Variants in IL1RAPL2 observed in about 807,000 individuals in gnomAD.
IL1RAPL2 encodes the protein X-linked interleukin-1 receptor accessory protein-like 2.
Under a neutral mutation model 44.1 loss-of-function variants are expected in IL1RAPL2, and 3 were observed. The observed-to-expected ratio is 0.07, with a 90% confidence interval of 0.03 to 0.18. The LOEUF (loss-of-function observed/expected upper bound fraction) is 0.18, where lower values mean the gene tolerates loss of function less well. Ranked by LOEUF, IL1RAPL2 falls within the 10% of genes least tolerant of loss-of-function variation. The pLI is 1.00. For synonymous variants in IL1RAPL2, 181 were observed against 178.8 expected (o/e 1.01, Z -0.10); for missense variants, 391 against 496.4 (o/e 0.79, Z 2.02).
intron 2 of IL1RAPL2, among the ~76,000 whole-genome samples, chrX:105,192,804 T>C (rs1211032711): frequency 1.8e-5 from 2 of 112,007 alleles, no homozygotes; most frequent in African/African-American, 6.5e-5. Flanking sequence ...GTTTAGAAAT[T>C]ATTTTCTCCA....
chrX:105,168,581 C>T (rs192843330), intron 2 of IL1RAPL2, among the ~76,000 whole-genome samples: 1 of 105,823 alleles, frequency 9.4e-6, no homozygotes. Flanking sequence ...TGCAGTCAGC[C>T]AGCTGGATAC....
At chrX:105,107,777 C>G (rs2032758147) in intron 2 of IL1RAPL2, among the ~76,000 whole-genome samples, 1 of 111,660 alleles carries the variant, frequency 9.0e-6, no homozygotes, top group African/African-American at 3.3e-5. Context: ...CATCCATTAT[C>G]ACGTCACTGA....
intron 6 of IL1RAPL2, among the ~76,000 whole-genome samples, chrX:105,659,124 C>T (rs985427785): frequency 9.1e-6 from 1 of 109,929 alleles, no homozygotes; most frequent in Non-Finnish European, 1.9e-5. Context: ...GAGACTCTGT[C>T]TCAAAAAACA....
chrX:104,760,562 C>A (rs1305473000), intron 2 of IL1RAPL2, among the ~76,000 whole-genome samples: 5 of 111,986 alleles, frequency 4.5e-5, no homozygotes, highest in African/African-American at 1.6e-4. Flanking sequence ...TATGTCCCTA[C>A]TTGCCATTTG....
At chrX:104,694,086 C>T (rs867765726) in intron 2 of IL1RAPL2, among the ~76,000 whole-genome samples, 2 of 111,864 alleles carry the variant, frequency 1.8e-5, no homozygotes, top group East Asian at 2.8e-4. Context: ...TGGCACTTCT[C>T]GCTGTGATTT....
chrX:105,406,049 T>C, intron 5 of IL1RAPL2: 2 of 1,203,363 alleles, frequency 1.7e-6, no homozygotes, highest in Non-Finnish European at 2.2e-6. Flanking sequence ...GGCGGTACTT[T>C]ACAACTACAC....
At chrX:105,378,547 T>A (rs1430649823) in intron 5 of IL1RAPL2, among the ~76,000 whole-genome samples, 1 of 111,623 alleles carries the variant, frequency 9.0e-6, no homozygotes, top group African/African-American at 3.3e-5. Context: ...GCATGCTGTG[T>A]TGGATATTCA....
chrX:105,312,719 GT>G (rs199536529), intron 5 of IL1RAPL2, among the ~76,000 whole-genome samples: 55 of 109,513 alleles, frequency 5.0e-4, no homozygotes, highest in East Asian at 1.4e-3. Context: ...ACCTTATATA[GT>G]TTTTTTTTGT....
rs773788867 is a variant in IL1RAPL2 at position 105,013,697 on chromosome X, A to T, written c.83-181778A>T. On this transcript the variant is annotated intron_variant, in intron 2 of 10. Transcript: ENST00000372582. ...AATTTTTAAATTTCCTTCCCTTGAAATACCTAATTTCTTGCCCTTCTGCCT... is the reference window on the plus strand; with the variant it reads ...AATTTTTAAATTTCCTTCCCTTGAATTACCTAATTTCTTGCCCTTCTGCCT... 1.1e-3 allele frequency among the ~76,000 whole-genome samples: 123 copies of T among 111,033 alleles called. 1 individual carries two copies. Among genetic ancestry groups the T allele is most frequent in the Non-Finnish European group, 2.0e-3 (106 of 52,798 alleles).
In IL1RAPL2 at chrX:104,816,044, A is replaced by G. The variant is rs1921126385; in HGVS notation, c.82+157049A>G. On this transcript the variant is annotated intron_variant, in intron 2 of 10. Coordinates refer to ENST00000372582, the MANE Select transcript of IL1RAPL2 (RefSeq NM_017416.2). ...AAGATAATATTTTTACAGTCCCTGT[A>G]GCCAATTCCCTAGAACCTCTTTAAT... is the stretch of plus-strand genomic sequence containing the variant. 9.0e-5 allele frequency among the ~76,000 whole-genome samples: 10 copies of G among 111,614 alleles called. No individual in the cohort carries two copies. The South Asian group carries it at 3.7e-3, about 42-fold the overall frequency.
At chrX:104,570,963 T>C (rs1928136478) in intron 1 of IL1RAPL2, among the ~76,000 whole-genome samples, 1 of 110,677 alleles carries the variant, frequency 9.0e-6, no homozygotes, top group Non-Finnish European at 1.9e-5. Flanking sequence ...TTTTATCCCT[T>C]CCTTTTAATG....
intron 2 of IL1RAPL2, among the ~76,000 whole-genome samples, chrX:104,718,351 G>T (rs978774692): frequency 1.8e-5 from 2 of 110,920 alleles, no homozygotes; most frequent in Non-Finnish European, 3.8e-5. Context: ...TTCTCTGATG[G>T]CCAGTGATGA....
At chrX:105,412,385 T>C (rs2035704045) in intron 5 of IL1RAPL2, among the ~76,000 whole-genome samples, 1 of 108,102 alleles carries the variant, frequency 9.3e-6, no homozygotes, top group Admixed American at 1.0e-4. Context: ...AATCCTGTCA[T>C]TTACAGCAAC....
chrX:105,684,193 G>T (rs1022870920), intron 6 of IL1RAPL2, among the ~76,000 whole-genome samples: 6 of 112,299 alleles, frequency 5.3e-5, no homozygotes, highest in Non-Finnish European at 1.1e-4. Flanking sequence ...GACAGTGGGT[G>T]CAGCCTACAG....
intron 3 of IL1RAPL2, among the ~76,000 whole-genome samples, chrX:105,198,006 A>C (rs368719706): frequency 1.8e-5 from 2 of 111,605 alleles, no homozygotes; most frequent in East Asian, 5.7e-4. Flanking sequence ...GTAAGTGAGA[A>C]TATGCAATAT....
At chrX:105,360,846 T>A (rs2147711250) in intron 5 of IL1RAPL2, among the ~76,000 whole-genome samples, 1 of 111,495 alleles carries the variant, frequency 9.0e-6, no homozygotes, top group Non-Finnish European at 1.9e-5. Context: ...TATTTCCCTG[T>A]AGAGCAGATT....
chrX:104,994,489 A>G (rs1342325371), intron 2 of IL1RAPL2, among the ~76,000 whole-genome samples: 16 of 111,842 alleles, frequency 1.4e-4, no homozygotes, highest in Non-Finnish European at 2.8e-4. Context: ...TGAACTATAT[A>G]CTTAAGATCT....
At chrX:104,857,382 A>C (rs896471767) in intron 2 of IL1RAPL2, among the ~76,000 whole-genome samples, 3 of 111,746 alleles carry the variant, frequency 2.7e-5, no homozygotes, top group African/African-American at 9.8e-5. Flanking sequence ...CATTGTAAAG[A>C]TGTACCAGAT....
At chrX:105,172,977 A>G (rs1191335632) in intron 2 of IL1RAPL2, among the ~76,000 whole-genome samples, 1 of 111,004 alleles carries the variant, frequency 9.0e-6, no homozygotes, top group Non-Finnish European at 1.9e-5. Context: ...GCGTAGGGAT[A>G]AGATGATGGG....
Sources: gnomAD v4.1 joint callset for allele counts (sites outside exome capture counted in the v4.1 genomes callset) on GRCh38, gnomAD v4.1.1 for gene constraint, MANE v1.5 for transcripts, NCBI Gene and HGNC (gene_info 2026-07-23, HGNC 2026-07-21) for gene names.